NEK5: variants seen among roughly 807,000 people sequenced by gnomAD.
NEK5 encodes the protein NIMA related kinase 5.
Under a neutral mutation model 109.2 loss-of-function variants are expected in NEK5, and 88 were observed. That is an observed-to-expected ratio of 0.81 (90% CI 0.68 to 0.96). NEK5 has a LOEUF of 0.96. Ranked by LOEUF, NEK5 falls within the 40% of genes least tolerant of loss-of-function variation. The pLI is 0.00. For missense variants in NEK5, 834 were observed against 920.7 expected, an observed-to-expected ratio of 0.91 and a Z score of 1.22; for synonymous variants, 283 against 299.9, an observed-to-expected ratio of 0.94 and a Z score of 0.58.
intron 3 of NEK5, among the ~76,000 whole-genome samples, chr13:52,123,718 T>C (rs1321491037): frequency 6.6e-6 from 1 of 152,168 alleles, no homozygotes; most frequent in Admixed American, 6.5e-5. Context: ...AGCCAAAGCA[T>C]GTCCAGAAAG....
chr13:52,033,706 A>G lies in NEK5; in HGVS notation c.*3242T>C, dbSNP rs1439284957. 1 of 154,592 alleles carries G rather than the reference A, an allele frequency of 6.5e-6. No individual in the cohort carries two copies. The highest frequency in any genetic ancestry group is 1.5e-5 in the Non-Finnish European group (1 of 68,052). 9.6% of individuals were successfully genotyped at this position (154,592 alleles called of 1,614,324 possible). ...TTAAATAATTCTTGAGGGATTTTAT[A>G]AGGTCATCTTATAGACAAAATTAAG... On this transcript the variant is annotated 3_prime_UTR_variant, in exon 24 of 24. Coordinates refer to ENST00000684899, the MANE Select transcript of NEK5 (RefSeq NM_001365552.1).
chr13:52,057,837 C>T (rs1421143840), intron 22 of NEK5, among the ~76,000 whole-genome samples: 5 of 151,702 alleles, frequency 3.3e-5, no homozygotes, highest in Non-Finnish European at 2.9e-5. Flanking sequence ...AAACCCACAG[C>T]CAATATCATA....
chr13:52,080,989 A>T (rs116498481), intron 17 of NEK5, among the ~76,000 whole-genome samples: 1,760 of 50,724 alleles, frequency 0.035, 36 homozygotes, highest in African/African-American at 0.065. Context: ...TATGTCATTT[A>T]AAAAAAAAAA....
chr13:52,097,919 A>G (rs1187850809), intron 12 of NEK5, among the ~76,000 whole-genome samples: 1 of 151,924 alleles, frequency 6.6e-6, no homozygotes, highest in Admixed American at 6.6e-5. Flanking sequence ...GATTATGGGG[A>G]CAGATTTCCC....
chr13:52,073,371 A>G (rs1161432935), intron 19 of NEK5, among the ~76,000 whole-genome samples: 10 of 150,556 alleles, frequency 6.6e-5, no homozygotes, highest in African/African-American at 2.2e-4. Context: ...GCTCGAGTGC[A>G]GTACAGTGAT....
chr13:52,121,543 T>C (rs753490606), intron 3 of NEK5, among the ~76,000 whole-genome samples: 1 of 152,168 alleles, frequency 6.6e-6, no homozygotes, highest in Non-Finnish European at 1.5e-5. Flanking sequence ...TTTGTTACAG[T>C]GTTTTATTGC....
At chr13:52,094,228 C>A (rs1180789197) in intron 12 of NEK5, among the ~76,000 whole-genome samples, 1 of 152,172 alleles carries the variant, frequency 6.6e-6, no homozygotes, top group South Asian at 2.1e-4. Flanking sequence ...AAAAGCCAGT[C>A]AAGACCTTCT....
At position 52,099,834 on chromosome 13, in the gene NEK5, G is replaced by T; in HGVS notation, c.935C>A (p.Pro312Gln). ...QKVRFQGKCP[P>Q]RSRISVPIKR... ...AATTGGCACAGATATCCTTGATCTT[G>T]GTGGGCACTTTCCCTGGAATCTCAC... Residue 312 changes from proline to glutamine, a missense_variant, in exon 12 of 24, where the codon CCA becomes CAA. Pro to Gln is a moderately conservative substitution (Grantham distance 76, BLOSUM62 -1). Around this residue, in one of 2 missense-constraint regions of NEK5, gnomAD observed 777 missense variants for 824.7 expected, o/e 0.94. Coordinates refer to ENST00000684899, the MANE Select transcript of NEK5 (RefSeq NM_001365552.1). The T allele has an allele frequency of 6.2e-7, 1 of 1,613,496 alleles. No individual in the cohort carries two copies. Among genetic ancestry groups the T allele is most frequent in the Non-Finnish European group, 8.5e-7 (1 of 1,179,574 alleles).
chr13:52,083,408 C>T, intron 16 of NEK5, 56 bp from the exon 17 acceptor site: 1 of 1,084,730 alleles, frequency 9.2e-7, no homozygotes, highest in Non-Finnish European at 1.4e-6. Context: ...GCTCTGAAGG[C>T]TACTTGGCTG....
intron 21 of NEK5, chr13:52,065,142 A>G (rs1237478975): frequency 5.6e-6 from 2 of 359,548 alleles, no homozygotes; most frequent in Non-Finnish European, 1.0e-5. Flanking sequence ...TAAAAAAAAA[A>G]AAATGACCCT....
chr13:52,113,448 G>A (rs939582595), intron 4 of NEK5, among the ~76,000 whole-genome samples: 1 of 152,060 alleles, frequency 6.6e-6, no homozygotes, highest in South Asian at 2.1e-4. Flanking sequence ...ATATTTTGGA[G>A]GACTCAGTGA....
chr13:52,050,133 T>C lies in NEK5; in HGVS notation c.2199A>G (p.Gln733=). 1 of 985,290 alleles carries C rather than the reference T, an allele frequency of 1.0e-6. No individual in the cohort carries two copies. The highest frequency in any genetic ancestry group is 1.2e-6 in the Non-Finnish European group (1 of 829,382). The allele number at this position is 985,290 out of a possible 1,614,324, so 61.0% of individuals were successfully genotyped here. A position where few individuals can be genotyped will look rare whatever the true frequency, so the allele number is the denominator to read the frequency against. ...CATCATCATCAGATCTTGGTTCTAG[T>C]TGTTCCTCATCTACTTCAATGCCAG... The part of the protein sequence containing the change: ...MVSGIEVDEE[Q]LEPRSDDDDT... Residue 733 remains glutamine (Q), a synonymous_variant, in exon 23 of 24, where the codon CAA becomes CAG. Coordinates refer to ENST00000684899, the MANE Select transcript of NEK5 (RefSeq NM_001365552.1).
chr13:52,126,860 G>C (rs892826497), intron 3 of NEK5, among the ~76,000 whole-genome samples: 11 of 152,088 alleles, frequency 7.2e-5, no homozygotes, highest in African/African-American at 2.2e-4. Flanking sequence ...TTGTGGCTGG[G>C]GGTCTACTCT....
chr13:52,044,248 T>C (rs1646607941), intron 23 of NEK5, among the ~76,000 whole-genome samples: 1 of 152,202 alleles, frequency 6.6e-6, no homozygotes, highest in Non-Finnish European at 1.5e-5. Flanking sequence ...TGGGACCCTG[T>C]GATTGTGTGA....
At chr13:52,042,295 G>T (rs1284278670) in intron 23 of NEK5, among the ~76,000 whole-genome samples, 1 of 151,308 alleles carries the variant, frequency 6.6e-6, no homozygotes, top group Non-Finnish European at 1.5e-5. Context: ...GAAAGCACGG[G>T]ATAGGAAAAA....
chr13:52,074,992 G>A (rs1282281151), intron 19 of NEK5, among the ~76,000 whole-genome samples: 1 of 152,232 alleles, frequency 6.6e-6, no homozygotes, highest in Non-Finnish European at 1.5e-5. Context: ...CGAGGCTGCA[G>A]AGAAAAGGGA....
rs1194154759 is a variant in NEK5, at chr13:52,034,361, T to G, written c.*2587A>C. 1 of 152,218 alleles carries G rather than the reference T, an allele frequency of 6.6e-6. No homozygotes were observed. Among genetic ancestry groups the G allele is most frequent in the African/African-American group, 2.4e-5 (1 of 41,440 alleles). 9.4% of individuals were successfully genotyped at this position (152,218 alleles called of 1,614,324 possible). A position where few individuals can be genotyped will look rare whatever the true frequency, so the allele number is the denominator to read the frequency against. ...AAATCAGCTGAAAGTGTTGCAGATA[T>G]GTATACTTATCACAGTGAATACTTC... On this transcript the variant is annotated 3_prime_UTR_variant, in exon 24 of 24. Transcript: ENST00000684899.
chr13:52,071,719 C>T (rs952469768), intron 20 of NEK5, among the ~76,000 whole-genome samples: 1 of 152,122 alleles, frequency 6.6e-6, no homozygotes, highest in African/African-American at 2.4e-5. Flanking sequence ...GAAGCCAAAG[C>T]TGCAAGAGGG....
At position 52,113,080 on chromosome 13, in the gene NEK5, C is replaced by T. The variant is rs559461143; in HGVS notation, c.215-715G>A. 2.0e-5 allele frequency among the ~76,000 whole-genome samples: 3 copies of T among 152,136 alleles called. No homozygotes were observed. In the South Asian group the frequency reaches 6.2e-4, roughly 32 times the overall value. ...ATGAAAGGTGATTATTTTCCAAAAGCTATGCTGAATATTTTGGAGGACTCA... is the reference window on the plus strand; with the variant it reads ...ATGAAAGGTGATTATTTTCCAAAAGTTATGCTGAATATTTTGGAGGACTCA... On this transcript the variant is annotated intron_variant, in intron 4 of 23. Transcript: ENST00000684899.
Sources: gnomAD v4.1 joint callset for allele counts (sites outside exome capture counted in the v4.1 genomes callset) on GRCh38, gnomAD v4.1.1 for gene constraint, gnomAD v4.1.1 regional missense constraint, MANE v1.5 for transcripts, NCBI Gene and HGNC (gene_info 2026-07-23, HGNC 2026-07-21) for gene names.